The following TCF7 variants were observed in gnomAD, a reference collection of about 807,000 sequenced individuals.
The protein encoded by TCF7 is T-cell-factor-7.
A neutral mutation model predicts 46.8 loss-of-function variants in TCF7; 19 were observed. That is an observed-to-expected ratio of 0.41 (90% CI 0.28 to 0.60). The LOEUF (loss-of-function observed/expected upper bound fraction) is 0.60, where lower values mean the gene tolerates loss of function less well. Among genes scored for constraint, TCF7 ranks in the 20% least tolerant of loss-of-function variants. The probability of loss-of-function intolerance (pLI) is 0.35; values close to 1 mark genes in which losing one functional copy is unlikely to be tolerated. For synonymous variants in TCF7, 245 were observed against 213.4 expected (o/e 1.15, Z -1.29); for missense variants, 547 against 504.6 (o/e 1.08, Z -0.81).
intron 9 of TCF7, chr5:134,143,980 T>C (rs1760283989): frequency 3.7e-6 from 1 of 270,746 alleles, no homozygotes; most frequent in African/African-American, 2.2e-5. Flanking sequence ...GCCCAAACAA[T>C]GTCCTGGCTA....
chr5:134,118,303 C>A (rs1227333068), intron 3 of TCF7, among the ~76,000 whole-genome samples: 1 of 152,206 alleles, frequency 6.6e-6, no homozygotes, highest in African/African-American at 2.4e-5. Context: ...CTTTAAAGGA[C>A]AGACAGCTTG....
chr5:134,145,573 T>C, intron 9 of TCF7: 1 of 697,168 alleles, frequency 1.4e-6, no homozygotes, highest in African/African-American at 1.8e-5. Context: ...CTCCAGGCAG[T>C]AAGGCCACTG....
In TCF7 at chr5:134,143,741, G is replaced by C. The variant is rs1330625563; in HGVS notation, c.1075+101G>C. 2.1e-6 allele frequency: 3 copies of C among 1,409,520 alleles called. No individual in the cohort carries two copies. In the East Asian group the frequency reaches 7.3e-5, roughly 34 times the overall value. 87.3% of individuals were successfully genotyped at this position (1,409,520 alleles called of 1,614,324 possible). On this transcript the variant is annotated intron_variant, in intron 9 of 9. Transcript: ENST00000342854. The stretch of plus-strand genomic sequence containing the variant: ...AGGGAGGAACGCGGTACCCAGCTAG[G>C]AGCCTTCAGGGCCTGGGGCCTATGA...
intron 3 of TCF7, among the ~76,000 whole-genome samples, chr5:134,136,003 G>T (rs1758808236): frequency 6.6e-6 from 1 of 152,202 alleles, no homozygotes; most frequent in South Asian, 2.1e-4. Flanking sequence ...GATGGTGGAA[G>T]TCACTGGGAC....
At chr5:134,124,187 G>A (rs957833179) in intron 3 of TCF7, among the ~76,000 whole-genome samples, 1 of 152,164 alleles carries the variant, frequency 6.6e-6, no homozygotes, top group Non-Finnish European at 1.5e-5. Flanking sequence ...CAGGGGTGGA[G>A]GGTGGGCATC....
intron 3 of TCF7, 87 bp downstream of exon 3, chr5:134,116,120 G>A: frequency 2.0e-6 from 3 of 1,491,638 alleles, no homozygotes; most frequent in Non-Finnish European, 8.9e-7. Flanking sequence ...CTTCTGCCTG[G>A]AACAAAATAG....
Position 134,143,035 on chromosome 5 carries a change from C to G in TCF7, c.961C>G (p.Leu321Val). The change falls in exon 8 of 10, where the codon CTG becomes GTG. Residue 321 changes from leucine (L) to valine (V), a missense_variant. Leu to Val is a conservative substitution (Grantham distance 32). Transcript: ENST00000342854. ...SREEQAKYYE[L>V]ARKERQLHMQ... The stretch of plus-strand genomic sequence containing the variant: ...AGAAGAGCAGGCCAAGTACTATGAG[C>G]TGGCCCGCAAGGAGAGGCAGCTGCA... 6.2e-7 allele frequency: 1 copy of G among 1,612,436 alleles called. No homozygotes were observed. The highest frequency in any genetic ancestry group is 1.1e-5 in the South Asian group (1 of 90,822).
chr5:134,129,079 T>A (rs980208686), intron 3 of TCF7, among the ~76,000 whole-genome samples: 36 of 152,200 alleles, frequency 2.4e-4, no homozygotes, highest in African/African-American at 7.7e-4. Context: ...CAGATTCTAA[T>A]CCAGATCCAT....
chr5:134,111,084 A>C (rs1257870493), upstream of TCF7, among the ~76,000 whole-genome samples: 9 of 152,228 alleles, frequency 5.9e-5, no homozygotes, highest in Admixed American at 5.9e-4. Context: ...CCAACAGAGC[A>C]GGGCAGGCCT....
intron 3 of TCF7, among the ~76,000 whole-genome samples, chr5:134,136,098 C>T (rs914745048): frequency 6.6e-6 from 1 of 151,914 alleles, no homozygotes; most frequent in African/African-American, 2.4e-5. Flanking sequence ...GAACTAGGGG[C>T]AGTGAATGGG....
chr5:134,140,864 C>T (rs1314257306), intron 5 of TCF7: 4 of 442,654 alleles, frequency 9.0e-6, no homozygotes, highest in East Asian at 1.5e-4. Context: ...GCCCCCACTG[C>T]AGCCCCTGGC....
At position 134,144,477 on chromosome 5, in the gene TCF7, G is replaced by C. The variant is rs1316688148; in HGVS notation, c.1075+837G>C. The C allele has an allele frequency of 1.6e-5, 6 of 373,244 alleles. No individual in the cohort carries two copies. The Admixed American group carries it at 2.5e-4, about 16-fold the overall frequency. 23.1% of individuals were successfully genotyped at this position (373,244 alleles called of 1,614,324 possible). ...AGGCTGGATCTCCATGGTCTTCCTT[G>C]GGCCCCTCTGCAGCCTCCATGCTGC... On this transcript the variant is annotated intron_variant, in intron 9 of 9. Coordinates refer to ENST00000342854, the MANE Select transcript of TCF7 (RefSeq NM_003202.5).
At chr5:134,132,282 C>T (rs1758230755) in intron 3 of TCF7, among the ~76,000 whole-genome samples, 1 of 152,244 alleles carries the variant, frequency 6.6e-6, no homozygotes, top group African/African-American at 2.4e-5. Context: ...AGAACTCTGC[C>T]TCACACATGG....
At chr5:134,138,821 G>GT in intron 4 of TCF7, 130 bp from the exon 5 acceptor site, 1 of 1,405,850 alleles carries the variant, frequency 7.1e-7, no homozygotes, top group Non-Finnish European at 9.5e-7. Context: ...GAATAAACTA[G>GT]TTTATGTCTG....
rs914046056 is a variant in TCF7, at chr5:134,146,357, C to T, written c.*54C>T. ...CTCACCCTCATACCATCTGCTGCCCCGCTTCCCCACAGAACTGCTTACTAG... is the reference window on the plus strand; with the variant it reads ...CTCACCCTCATACCATCTGCTGCCCTGCTTCCCCACAGAACTGCTTACTAG... On this transcript the variant is annotated 3_prime_UTR_variant, in exon 10 of 10. Coordinates refer to ENST00000342854, the MANE Select transcript of TCF7 (RefSeq NM_003202.5). 1.8e-5 allele frequency: 28 copies of T among 1,599,990 alleles called. No homozygotes were observed. Among genetic ancestry groups the T allele is most frequent in the Middle Eastern group, 1.6e-4 (1 of 6,062 alleles).
At chr5:134,110,072 C>T (rs1056249679), upstream of TCF7, among the ~76,000 whole-genome samples, 1 of 152,172 alleles carries the variant, frequency 6.6e-6, no homozygotes, top group African/African-American at 2.4e-5. Context: ...AACCCCAAAC[C>T]CATTCATCAG....
chr5:134,123,839 G>A (rs1225882844), intron 3 of TCF7: 4 of 456,220 alleles, frequency 8.8e-6, no homozygotes, highest in East Asian at 6.9e-5. Flanking sequence ...GCTGGGGCAG[G>A]GTGGATGCTA....
intron 3 of TCF7, among the ~76,000 whole-genome samples, chr5:134,131,467 TG>T (rs1758119025): frequency 6.6e-6 from 1 of 152,144 alleles, no homozygotes; most frequent in Admixed American, 6.5e-5. Context: ...AGGCTCAAGG[TG>T]GAGATCTGCC....
At position 134,115,174 on chromosome 5, in the gene TCF7, C is replaced by T. The variant is rs1164390472; in HGVS notation, c.249+19C>T. On this transcript the variant is annotated intron_variant, in intron 1 of 9. Transcript: ENST00000342854. ...GGCCGAGGTGAGCCCCCGCCGGCGCCGGCTCCTCCCCCGCGGTCGCCGCGC... is the reference window on the plus strand; with the variant it reads ...GGCCGAGGTGAGCCCCCGCCGGCGCTGGCTCCTCCCCCGCGGTCGCCGCGC... 3 of 1,047,074 alleles carry T rather than the reference C, an allele frequency of 2.9e-6. No homozygotes were observed. The highest frequency in any genetic ancestry group is 3.5e-6 in the Non-Finnish European group (3 of 867,380). The allele number at this position is 1,047,074 out of a possible 1,614,324, so 64.9% of individuals were successfully genotyped here.
Sources: allele counts gnomAD v4.1 joint callset (sites outside exome capture counted in the v4.1 genomes callset), GRCh38; gene constraint gnomAD v4.1.1; transcripts MANE v1.5; gene names NCBI Gene and HGNC (gene_info 2026-07-23, HGNC 2026-07-21).